NEDD4L: variants seen among roughly 807,000 people sequenced by gnomAD.
NEDD4L encodes the protein E3 ubiquitin-protein ligase NEDD4-like.
NEDD4L carries 54 observed loss-of-function variants against 148.9 expected under a neutral mutation model. The observed-to-expected ratio is 0.36, with a 90% CI of 0.29 to 0.45. The LOEUF is 0.45. NEDD4L is among the 20% of genes least tolerant of loss of function. The pLI is 1.00. For missense variants in NEDD4L, 856 were observed against 1,233.8 expected, an observed-to-expected ratio of 0.69 and a Z score of 4.59; for synonymous variants, 433 against 440.7, an observed-to-expected ratio of 0.98 and a Z score of 0.22.
chr18:58,359,439 C>T (rs950616588), intron 19 of NEDD4L, among the ~76,000 whole-genome samples: 38 of 152,190 alleles, frequency 2.5e-4, no homozygotes, highest in African/African-American at 9.2e-4. Flanking sequence ...CCTCAGGGAA[C>T]TTGAATGCCA....
At chr18:58,086,527 A>G (rs1276223635) in intron 1 of NEDD4L, among the ~76,000 whole-genome samples, 2 of 152,180 alleles carry the variant, frequency 1.3e-5, no homozygotes, top group Non-Finnish European at 2.9e-5. Flanking sequence ...TTACTTTCCA[A>G]AAATATTAGG....
At position 58,183,572 on chromosome 18, in the gene NEDD4L, C is replaced by G. The variant is rs147840464; in HGVS notation, c.122+17711C>G. On this transcript the variant is annotated intron_variant, in intron 2 of 30. Coordinates refer to ENST00000400345, the MANE Select transcript of NEDD4L (RefSeq NM_001144967.3). ...GCCAGCTGCTCACCTGCAGCACCCC[C>G]CTCCTTGGAGATAGCTTTTCATGTT... Among the ~76,000 whole-genome samples, 268 of 152,322 alleles carry G rather than the reference C, an allele frequency of 1.8e-3. 1 individual carries two copies. The highest frequency in any genetic ancestry group is 6.5e-3 in the Admixed American group (100 of 15,302).
chr18:58,071,531 T>G (rs928504289), intron 1 of NEDD4L, among the ~76,000 whole-genome samples: 3 of 151,872 alleles, frequency 2.0e-5, no homozygotes, highest in African/African-American at 7.3e-5. Context: ...AATAAAAGAA[T>G]AGAAAAATGA....
chr18:58,209,538 C>T (rs1359374907), intron 2 of NEDD4L, among the ~76,000 whole-genome samples: 1 of 120,240 alleles, frequency 8.3e-6, no homozygotes, highest in Non-Finnish European at 1.7e-5. Flanking sequence ...TACTTACTTG[C>T]CTTGTGACTC....
intron 23 of NEDD4L, 111 bp from the exon 24 acceptor site, chr18:58,373,061 CAT>C (rs2047107477): frequency 3.0e-6 from 2 of 667,782 alleles, no homozygotes; most frequent in Admixed American, 2.2e-5. Context: ...GCATTAGTAA[CAT>C]ATTTCTTGAG....
chr18:58,370,845 T>C lies in NEDD4L; in HGVS notation c.2256+378T>C, dbSNP rs563558043. ...GCTCTCCCTCTGTTTCCTGACATCATAAAAATGGCAGAGGCAAAGGTCAAA... is the reference window on the plus strand; with the variant it reads ...GCTCTCCCTCTGTTTCCTGACATCACAAAAATGGCAGAGGCAAAGGTCAAA... On this transcript the variant is annotated intron_variant, in intron 23 of 30. Transcript: ENST00000400345. Among the ~76,000 whole-genome samples the C allele has an allele frequency of 1.2e-4, 18 of 152,274 alleles. No homozygotes were observed. In the East Asian group the frequency reaches 2.7e-3, roughly 23 times the overall value.
chr18:58,362,220 T>C (rs894035626), intron 19 of NEDD4L, among the ~76,000 whole-genome samples: 4 of 152,228 alleles, frequency 2.6e-5, no homozygotes, highest in Admixed American at 6.5e-5. Context: ...TTGGGGAATT[T>C]GTCATTTAAG....
intron 1 of NEDD4L, among the ~76,000 whole-genome samples, chr18:58,141,628 G>T (rs1242268769): frequency 6.6e-6 from 1 of 152,120 alleles, no homozygotes; most frequent in East Asian, 1.9e-4. Context: ...TCATTCATAT[G>T]AAGAAGTTCT....
At chr18:58,062,219 C>G (rs1229688488) in intron 1 of NEDD4L, among the ~76,000 whole-genome samples, 1 of 152,068 alleles carries the variant, frequency 6.6e-6, no homozygotes, top group Non-Finnish European at 1.5e-5. Context: ...TGCTTGATCA[C>G]CCAGTACGTG....
intron 5 of NEDD4L, among the ~76,000 whole-genome samples, chr18:58,293,552 T>A (rs2055083308): frequency 1.3e-5 from 2 of 152,238 alleles, no homozygotes; most frequent in Admixed American, 6.5e-5. Flanking sequence ...CCATCAACCA[T>A]GCGCTATGAT....
chr18:58,239,602 C>T (rs1006978706), intron 2 of NEDD4L, among the ~76,000 whole-genome samples: 2 of 152,198 alleles, frequency 1.3e-5, no homozygotes, highest in African/African-American at 4.8e-5. Flanking sequence ...ACATGGAACA[C>T]TTCAGTGAAT....
intron 5 of NEDD4L, among the ~76,000 whole-genome samples, chr18:58,267,983 C>T (rs2050463544): frequency 6.6e-6 from 1 of 151,996 alleles, no homozygotes; most frequent in East Asian, 1.9e-4. Flanking sequence ...TTTGCCCCTA[C>T]TGTGGGGGCC....
chr18:58,365,542 G>A (rs1426901218), intron 20 of NEDD4L, among the ~76,000 whole-genome samples: 1 of 152,216 alleles, frequency 6.6e-6, no homozygotes, highest in Non-Finnish European at 1.5e-5. Context: ...AAATGGACTT[G>A]AGGCAGCGTG....
At chr18:58,141,295 A>G (rs528796439) in intron 1 of NEDD4L, among the ~76,000 whole-genome samples, 1 of 152,358 alleles carries the variant, frequency 6.6e-6, no homozygotes, top group African/African-American at 2.4e-5. Context: ...AATATAAGTT[A>G]TTCAGATTAG....
chr18:58,229,299 C>T (rs1350059634), intron 2 of NEDD4L, among the ~76,000 whole-genome samples: 2 of 152,148 alleles, frequency 1.3e-5, no homozygotes, highest in East Asian at 3.9e-4. Context: ...GACTTGGGCT[C>T]ATTTGTAAGG....
At chr18:58,311,236 G>A (rs567992884) in intron 5 of NEDD4L, among the ~76,000 whole-genome samples, 1 of 152,282 alleles carries the variant, frequency 6.6e-6, no homozygotes, top group East Asian at 1.9e-4. Flanking sequence ...TTTTATGTGA[G>A]GCACTGATAT....
At chr18:58,070,242 T>A (rs2144874178) in intron 1 of NEDD4L, among the ~76,000 whole-genome samples, 1 of 151,966 alleles carries the variant, frequency 6.6e-6, no homozygotes. Context: ...GACCAAAAAA[T>A]TTTTTATTTT....
chr18:58,341,485 G>A (rs527890142), intron 14 of NEDD4L, among the ~76,000 whole-genome samples, 193 bp from the exon 15 acceptor site: 2 of 152,250 alleles, frequency 1.3e-5, no homozygotes, highest in African/African-American at 4.8e-5. Context: ...CTGGGCTAGT[G>A]ATTCATTTTT....
At chr18:58,194,787 G>A (rs765597544) in intron 2 of NEDD4L, among the ~76,000 whole-genome samples, 1 of 152,220 alleles carries the variant, frequency 6.6e-6, no homozygotes, top group African/African-American at 2.4e-5. Flanking sequence ...GAAGGTGAAA[G>A]GGGTGACTGG....
Sources: allele counts gnomAD v4.1 joint callset (sites outside exome capture counted in the v4.1 genomes callset), GRCh38; gene constraint gnomAD v4.1.1; transcripts MANE v1.5; gene names NCBI Gene and HGNC (gene_info 2026-07-23, HGNC 2026-07-21).